Variants in TIAM1 observed in about 807,000 individuals in gnomAD.
The protein encoded by TIAM1 is rho guanine nucleotide exchange factor TIAM1.
In TIAM1, 65 loss-of-function variants were observed where a neutral mutation model predicts 163.5. The observed-to-expected ratio is 0.40, with a 90% confidence interval of 0.33 to 0.49. The LOEUF is 0.49. TIAM1 is among the 20% of genes least tolerant of loss of function. The pLI, the probability that TIAM1 is intolerant of heterozygous loss-of-function variation, is 0.77. For synonymous variants in TIAM1, 833 were observed against 810.1 expected, an observed-to-expected ratio of 1.03 and a Z score of -0.48; for missense variants, 1,789 against 2,044.7, an observed-to-expected ratio of 0.87 and a Z score of 2.41.
intron 2 of TIAM1, among the ~76,000 whole-genome samples, chr21:31,432,248 A>G (rs953673371): frequency 6.6e-6 from 1 of 151,908 alleles, no homozygotes; most frequent in Non-Finnish European, 1.5e-5. Context: ...CTACAGGCAC[A>G]TGCCACCATG....
At chr21:31,207,706 C>T (rs1354692578) in intron 11 of TIAM1, among the ~76,000 whole-genome samples, 1 of 152,164 alleles carries the variant, frequency 6.6e-6, no homozygotes, top group Non-Finnish European at 1.5e-5. Flanking sequence ...CCATCAATTT[C>T]TGAAATGCAC....
At chr21:31,515,145 T>C (rs556801664) in intron 1 of TIAM1, among the ~76,000 whole-genome samples, 128 of 152,228 alleles carry the variant, frequency 8.4e-4, no homozygotes, top group African/African-American at 3.0e-3. Flanking sequence ...ACCTTTTACC[T>C]TTCTTCGCTA....
At position 31,141,537 on chromosome 21, in the gene TIAM1, G is replaced by A. The variant is rs754166685; in HGVS notation, c.3476-33C>T. On this transcript the variant is annotated intron_variant, in intron 20 of 27. Transcript: ENST00000541036. The surrounding 1 kb of genome is among the most constrained non-coding windows in gnomAD (Gnocchi z 4.7). ...GGTTTAAACACAGGTCATGGGGGTG[G>A]AACGCCCACGTGACTCCCTTCCCAC... The A allele has an allele frequency of 8.1e-6, 13 of 1,602,130 alleles. No homozygotes were observed. In the Admixed American group the frequency reaches 1.0e-4, roughly 12 times the overall value.
chr21:31,391,770 C>T (rs1707813727), intron 2 of TIAM1, among the ~76,000 whole-genome samples: 1 of 152,234 alleles, frequency 6.6e-6, no homozygotes, highest in South Asian at 2.1e-4. Context: ...GCCCGCAGGC[C>T]TGCTTCCTTC....
At chr21:31,388,666 T>TA (rs34205347) in intron 2 of TIAM1, among the ~76,000 whole-genome samples, 35,294 of 145,028 alleles carry the variant, frequency 0.24, 4,524 homozygotes, top group African/African-American at 0.36. Context: ...TCTTAAAAAA[T>TA]AAAAAAAAAA....
intron 1 of TIAM1, among the ~76,000 whole-genome samples, chr21:31,508,133 A>G (rs2047091722): frequency 1.3e-5 from 2 of 152,290 alleles, no homozygotes; most frequent in African/African-American, 4.8e-5. Flanking sequence ...AGAGGGAAGG[A>G]CAGGTTCTTC....
intron 1 of TIAM1, among the ~76,000 whole-genome samples, chr21:31,532,491 C>CA (rs1366557452): frequency 6.6e-6 from 1 of 152,158 alleles, no homozygotes; most frequent in African/African-American, 2.4e-5. Context: ...AAAGGGGAGT[C>CA]AAGCAATTAA....
At chr21:31,375,208 A>G (rs1415157811) in intron 2 of TIAM1, among the ~76,000 whole-genome samples, 4 of 152,226 alleles carry the variant, frequency 2.6e-5, no homozygotes, top group Non-Finnish European at 4.4e-5. Context: ...TCAGATAAAT[A>G]AAACATCAGA....
At chr21:31,323,285 T>C (rs1169787995) in intron 2 of TIAM1, among the ~76,000 whole-genome samples, 2 of 146,554 alleles carry the variant, frequency 1.4e-5, no homozygotes, top group Admixed American at 1.4e-4. Context: ...GAGACTTTGA[T>C]TCAAAAAAAA....
intron 1 of TIAM1, among the ~76,000 whole-genome samples, chr21:31,340,649 A>G (rs1602041379): frequency 6.6e-6 from 1 of 152,268 alleles, no homozygotes; most frequent in East Asian, 1.9e-4. Flanking sequence ...ACAGGCACAC[A>G]CCGCCATGAC....
intron 6 of TIAM1, among the ~76,000 whole-genome samples, chr21:31,232,445 G>T (rs2833346): frequency 0.099 from 15,028 of 152,144 alleles, 1,226 homozygotes; most frequent in East Asian, 0.4. Flanking sequence ...TCTGCAGTTT[G>T]TCCCTTTGCA....
At chr21:31,291,275 AT>A (rs749225735) in intron 2 of TIAM1, among the ~76,000 whole-genome samples, 1 of 152,216 alleles carries the variant, frequency 6.6e-6, no homozygotes, top group Non-Finnish European at 1.5e-5. Context: ...ATGAAAAATT[AT>A]TTTTAAAAAA....
intron 23 of TIAM1, among the ~76,000 whole-genome samples, chr21:31,131,910 G>T (rs2082424882): frequency 6.6e-6 from 1 of 152,214 alleles, no homozygotes; most frequent in South Asian, 2.1e-4. Context: ...CAGCTAGGAA[G>T]TAGGAGAAAG....
chr21:31,443,523 C>CT (rs769539788), intron 2 of TIAM1, among the ~76,000 whole-genome samples: 86 of 152,246 alleles, frequency 5.6e-4, no homozygotes, highest in Middle Eastern at 3.4e-3. Context: ...GCTTTTTAGC[C>CT]TCTCTTGCCT....
Position 31,152,740 on chromosome 21 carries a change from A to C in TIAM1, c.3262T>G (p.Leu1088Val). 6.2e-7 allele frequency: 1 copy of C among 1,614,144 alleles called. No individual in the cohort carries two copies. ...ACTTGAAACTCTACCATTTCCGTTA[A>C]ATTTCCAAAAAGCACGTCAAGCTAG... ...QDELDVLFGN[L>V]TEMVEFQVEF... Residue 1088 changes from leucine to valine, a missense_variant, in exon 19 of 28, where the codon TTA becomes GTA. Leu to Val is a conservative substitution (Grantham distance 32). This residue lies in a region of TIAM1 where 303 missense variants were observed against 321.3 expected (regional missense o/e 0.94). Coordinates refer to ENST00000541036, the MANE Select transcript of TIAM1 (RefSeq NM_001353694.2).
intron 4 of TIAM1, among the ~76,000 whole-genome samples, chr21:31,254,264 C>G (rs1014913130): frequency 6.6e-6 from 1 of 152,230 alleles, no homozygotes; most frequent in Non-Finnish European, 1.5e-5. Flanking sequence ...TGATTGACAG[C>G]CTGCGGCTTA....
intron 2 of TIAM1, among the ~76,000 whole-genome samples, chr21:31,378,524 C>T (rs780886349): frequency 5.3e-5 from 8 of 152,190 alleles, no homozygotes; most frequent in Non-Finnish European, 7.4e-5. Flanking sequence ...TTCTTTGGTA[C>T]GTTCCAGCCT....
intron 19 of TIAM1, 66 bp downstream of exon 19, chr21:31,152,569 AC>A: frequency 6.3e-7 from 1 of 1,591,164 alleles, no homozygotes; most frequent in South Asian, 1.2e-5. Context: ...AGACATCAAC[AC>A]GATCAGGGGA....
chr21:31,168,423 T>C (rs59733953), intron 15 of TIAM1, among the ~76,000 whole-genome samples: 9,497 of 151,070 alleles, frequency 0.063, 1,049 homozygotes, highest in African/African-American at 0.22. Context: ...TTTTTTGAGA[T>C]GGAGTCTCGC....
Sources: allele counts gnomAD v4.1 joint callset (sites outside exome capture counted in the v4.1 genomes callset), GRCh38; gene constraint gnomAD v4.1.1; regional missense constraint gnomAD v4.1.1; non-coding constraint Gnocchi (gnomAD v3.1); transcripts MANE v1.5; gene names NCBI Gene and HGNC (gene_info 2026-07-23, HGNC 2026-07-21).